RGS22: variants seen among roughly 807,000 people sequenced by gnomAD.
RGS22 encodes regulator of G-protein signaling 22.
A neutral mutation model predicts 172.9 loss-of-function variants in RGS22; 148 were observed. That is an observed-to-expected ratio of 0.86 (90% confidence interval 0.75 to 0.98). The LOEUF (loss-of-function observed/expected upper bound fraction) is 0.98, where lower values mean the gene tolerates loss of function less well. Among genes scored for constraint, RGS22 ranks in the 50% least tolerant of loss-of-function variants. RGS22 has a pLI of 0.00. For synonymous variants in RGS22, 458 were observed against 480.2 expected, an observed-to-expected ratio of 0.95 and a Z score of 0.60; for missense variants, 1,347 against 1,440.8, an observed-to-expected ratio of 0.93 and a Z score of 1.05.
chr8:100,074,283 T>C (rs993710230), intron 4 of RGS22, among the ~76,000 whole-genome samples: 67 of 152,242 alleles, frequency 4.4e-4, no homozygotes, highest in African/African-American at 1.5e-3. Context: ...TTTATTGAGG[T>C]ATAAATTACA....
At chr8:99,970,952 G>C (rs541681063) in intron 23 of RGS22, among the ~76,000 whole-genome samples, 4 of 152,312 alleles carry the variant, frequency 2.6e-5, no homozygotes, top group African/African-American at 4.8e-5. Flanking sequence ...CAATATCCCT[G>C]ATGAACATCG....
At chr8:99,976,315 G>A (rs1268713873) in intron 23 of RGS22, among the ~76,000 whole-genome samples, 1 of 152,168 alleles carries the variant, frequency 6.6e-6, no homozygotes, top group Non-Finnish European at 1.5e-5. Context: ...ACTTTGTATT[G>A]TTTATGAATG....
chr8:100,055,695 A>C (rs1822168392), intron 9 of RGS22, among the ~76,000 whole-genome samples: 1 of 152,164 alleles, frequency 6.6e-6, no homozygotes. Flanking sequence ...GTAGTGAATA[A>C]GTCTTACAGT....
chr8:100,013,792 C>T (rs1693809196), intron 14 of RGS22, among the ~76,000 whole-genome samples: 2 of 152,128 alleles, frequency 1.3e-5, no homozygotes, highest in South Asian at 2.1e-4. Context: ...AAATCATGCA[C>T]CAGCTGCTTT....
At position 100,041,880 on chromosome 8, in the gene RGS22, A is replaced by G; in HGVS notation, c.1860T>C (p.His620=). Residue 620 remains histidine (H), a synonymous_variant, in exon 12 of 28, where the codon CAT becomes CAC. Coordinates refer to ENST00000360863, the MANE Select transcript of RGS22 (RefSeq NM_015668.5). The stretch of plus-strand genomic sequence containing the variant: ...CAGAAATGTCAGTAAAAGATGTTAA[A>G]TGAATGACTTTGCTGCTTTCTGACA... ...KYMSESSKVI[H]LTSFTDISEC... 6.2e-7 allele frequency: 1 copy of G among 1,612,998 alleles called. No homozygotes were observed. Among genetic ancestry groups the G allele is most frequent in the Non-Finnish European group, 8.5e-7 (1 of 1,179,254 alleles).
intron 6 of RGS22, among the ~76,000 whole-genome samples, chr8:100,067,647 CAG>C (rs1810631436): frequency 7.6e-6 from 1 of 131,694 alleles, no homozygotes; most frequent in African/African-American, 3.0e-5. Flanking sequence ...TTTTTGGAGA[CAG>C]AGTCTCACTG....
At chr8:100,089,178 A>G (rs1409848293) in intron 3 of RGS22, among the ~76,000 whole-genome samples, 1 of 151,166 alleles carries the variant, frequency 6.6e-6, no homozygotes, top group African/African-American at 2.4e-5. Context: ...ATATATATAC[A>G]TAATAGAGAT....
intron 6 of RGS22, 143 bp downstream of exon 6, chr8:100,071,226 T>C (rs1434520053): frequency 2.3e-5 from 14 of 620,348 alleles, no homozygotes; most frequent in South Asian, 6.8e-5. Context: ...AGATGGAGGC[T>C]GCAGTGAGCC....
chr8:100,071,524 C>T lies in RGS22; in HGVS notation c.439G>A (p.Val147Ile). 1 of 1,599,578 alleles carries T rather than the reference C, an allele frequency of 6.3e-7. No individual in the cohort carries two copies. The highest frequency in any genetic ancestry group is 8.5e-7 in the Non-Finnish European group (1 of 1,174,278). ...CYFEYRLAKLVSQVRWSKSGM... is the reference protein window; with the variant it reads ...CYFEYRLAKLISQVRWSKSGM... ...GACTTGCTCCATCTTACTTGTGAGA[C>T]CAATTTGGCTAACCTGCATTTTAGA... The change falls in exon 6 of 28, where the codon GTC becomes ATC. Residue 147 changes from valine to isoleucine, a missense_variant. Coordinates refer to ENST00000360863, the MANE Select transcript of RGS22 (RefSeq NM_015668.5).
intron 9 of RGS22, among the ~76,000 whole-genome samples, chr8:100,058,172 A>C (rs1209785829): frequency 1.2e-5 from 1 of 83,842 alleles, no homozygotes; most frequent in East Asian, 3.3e-4. Context: ...CAGAGGAGAC[A>C]AAAAAAAAAA....
intron 20 of RGS22, among the ~76,000 whole-genome samples, chr8:99,991,667 G>A (rs1044403689): frequency 2.0e-5 from 3 of 152,182 alleles, no homozygotes; most frequent in African/African-American, 7.2e-5. Context: ...GTGATGGGGA[G>A]AATGGAACCA....
Position 100,051,626 on chromosome 8 carries a change from A to C in RGS22, c.1689+1176T>G, listed in dbSNP as rs1325311240. On this transcript the variant is annotated intron_variant, in intron 10 of 27. Transcript: ENST00000360863. ...ATTTATATATGTTTATACATATATAAATATATATTTATATATGTTTATACA... is the reference window on the plus strand; with the variant it reads ...ATTTATATATGTTTATACATATATACATATATATTTATATATGTTTATACA... Among the ~76,000 whole-genome samples the C allele has an allele frequency of 2.6e-3, 30 of 11,518 alleles. 6 individuals are homozygous for C. Among genetic ancestry groups the C allele is most frequent in the Admixed American group, 6.7e-3 (4 of 594 alleles). 7.6% of individuals were successfully genotyped at this position (11,518 alleles called of 152,430 possible). A position where few individuals can be genotyped will look rare whatever the true frequency, so the allele number is the denominator to read the frequency against.
chr8:99,991,728 G>C (rs1813742881), intron 20 of RGS22, among the ~76,000 whole-genome samples: 1 of 152,184 alleles, frequency 6.6e-6, no homozygotes, highest in Non-Finnish European at 1.5e-5. Context: ...CCCCAACCCA[G>C]TAAGGCAGGC....
chr8:100,058,319 C>T (rs1160759960), intron 9 of RGS22, among the ~76,000 whole-genome samples: 1 of 151,962 alleles, frequency 6.6e-6, no homozygotes, highest in Non-Finnish European at 1.5e-5. Flanking sequence ...CTTCTCAAAC[C>T]TAGAGAAAGA....
At chr8:100,012,454 T>C (rs1197490164) in intron 14 of RGS22, among the ~76,000 whole-genome samples, 3 of 152,102 alleles carry the variant, frequency 2.0e-5, no homozygotes, top group African/African-American at 7.2e-5. Context: ...TGGTAGCTCA[T>C]TCCTGTAGTT....
intron 3 of RGS22, among the ~76,000 whole-genome samples, chr8:100,083,987 G>A (rs574101962): frequency 7.3e-4 from 111 of 151,304 alleles, no homozygotes; most frequent in African/African-American, 2.4e-3. Flanking sequence ...GTAGCTGGGC[G>A]CCACGACGCC....
chr8:100,042,021 C>A, intron 11 of RGS22, 105 bp from the exon 12 acceptor site: 1 of 631,760 alleles, frequency 1.6e-6, no homozygotes, highest in Non-Finnish European at 2.8e-6. Context: ...CTCAAGAGTA[C>A]TTCTGAGCAA....
intron 6 of RGS22, among the ~76,000 whole-genome samples, chr8:100,069,103 A>T (rs962732962): frequency 3.3e-5 from 5 of 152,178 alleles, no homozygotes; most frequent in African/African-American, 7.2e-5. Context: ...CTACAAAATT[A>T]ATAGCAGATG....
intron 20 of RGS22, among the ~76,000 whole-genome samples, chr8:99,993,271 C>A (rs553195335): frequency 1.3e-5 from 2 of 152,074 alleles, no homozygotes; most frequent in East Asian, 3.9e-4. Context: ...AAGATCAGAG[C>A]AGAACTGAAA....
Sources: allele counts gnomAD v4.1 joint callset (sites outside exome capture counted in the v4.1 genomes callset), GRCh38; gene constraint gnomAD v4.1.1; transcripts MANE v1.5; gene names NCBI Gene and HGNC (gene_info 2026-07-23, HGNC 2026-07-21).